SIN3A: variants seen among roughly 807,000 people sequenced by gnomAD.
SIN3A encodes paired amphipathic helix protein Sin3a.
In SIN3A, 14 loss-of-function variants were observed where a neutral mutation model predicts 146.1. The observed-to-expected ratio is 0.10, with a 90% CI of 0.06 to 0.15. The LOEUF (loss-of-function observed/expected upper bound fraction) is 0.15. Ranked by LOEUF, SIN3A falls within the 10% of genes least tolerant of loss-of-function variation. The pLI is 1.00. For missense variants in SIN3A, 1,028 were observed against 1,576.0 expected, an observed-to-expected ratio of 0.65 and a Z score of 5.89; for synonymous variants, 572 against 572.0, an observed-to-expected ratio of 1.00 and a Z score of 0.00.
chr15:75,390,871 C>T (rs775766948), intron 15 of SIN3A, among the ~76,000 whole-genome samples: 15 of 151,986 alleles, frequency 9.9e-5, no homozygotes, highest in African/African-American at 3.1e-4. Flanking sequence ...CCACTGCACC[C>T]GGCCTATACA....
intron 1 of SIN3A, among the ~76,000 whole-genome samples, chr15:75,432,101 GT>G (rs1426940036): frequency 1.3e-5 from 2 of 152,106 alleles, no homozygotes; most frequent in Non-Finnish European, 2.9e-5. Flanking sequence ...GCTTTCCTAT[GT>G]TTTTCTAGCA....
intron 3 of SIN3A, among the ~76,000 whole-genome samples, chr15:75,418,352 G>C (rs964407865): frequency 6.9e-6 from 1 of 144,536 alleles, no homozygotes; most frequent in Middle Eastern, 4.1e-3. Flanking sequence ...TTGAGACATG[G>C]TCTCACTCTG....
At chr15:75,423,273 C>T (rs544358075) in intron 2 of SIN3A, among the ~76,000 whole-genome samples, 16 of 151,564 alleles carry the variant, frequency 1.1e-4, no homozygotes, top group African/African-American at 3.6e-4. Context: ...ATGAGACCGT[C>T]TCTAAAAAAA....
chr15:75,429,664 T>C (rs1480035886), intron 2 of SIN3A, among the ~76,000 whole-genome samples: 1 of 152,184 alleles, frequency 6.6e-6, no homozygotes, highest in Non-Finnish European at 1.5e-5. Flanking sequence ...AATATCACAA[T>C]GTTCACAGCA....
chr15:75,431,036 A>G (rs1343737804), intron 1 of SIN3A, among the ~76,000 whole-genome samples: 2 of 152,142 alleles, frequency 1.3e-5, no homozygotes, highest in East Asian at 3.9e-4. Flanking sequence ...TCAGCCTCCC[A>G]AAGTGCTGGG....
In SIN3A at chr15:75,396,428, G is replaced by A. The variant is rs1354050046; in HGVS notation, c.1923C>T (p.Ser641=). ...TGGCTTGTTCTTCAGCAGACAAGCG[G>A]GAAAGCTTCTTCTGTATTGCTTCCA... is the stretch of plus-strand genomic sequence containing the variant. ...RVLEAIQKKL[S]RLSAEEQAKF... is the part of the protein sequence containing the mutation. The change falls in exon 13 of 21, where the codon TCC becomes TCT. Residue 641 remains serine (S), a synonymous_variant. Transcript: ENST00000394947. The A allele has an allele frequency of 2.5e-6, 4 of 1,614,064 alleles. No individual in the cohort carries two copies. The highest frequency in any genetic ancestry group is 3.4e-6 in the Non-Finnish European group (4 of 1,179,974).
At position 75,411,428 on chromosome 15, in the gene SIN3A, G is replaced by T. The variant is rs1199027426; in HGVS notation, c.1008+64C>A. 23 of 1,483,200 alleles carry T rather than the reference G, an allele frequency of 1.6e-5. No homozygotes were observed. In the Admixed American group the frequency reaches 4.3e-4, roughly 28 times the overall value. 91.9% of individuals were successfully genotyped at this position (1,483,200 alleles called of 1,614,324 possible). A position where few individuals can be genotyped will look rare whatever the true frequency, so the allele number is the denominator to read the frequency against. ...TTAATGGACACAATAATGGTTACTT[G>T]TTATTGGACTAGATGCCCTAAGAGG... On this transcript the variant is annotated intron_variant, in intron 6 of 20. Transcript: ENST00000394947.
At chr15:75,453,340 C>T (rs962251187), upstream of SIN3A, 1 of 152,382 alleles carries the variant, frequency 6.6e-6, no homozygotes, top group African/African-American at 2.4e-5. Flanking sequence ...CAGGACAGAG[C>T]TCTAAAAATA....
At position 75,430,171 on chromosome 15, in the gene SIN3A, G is replaced by C. The variant is rs778099884; in HGVS notation, c.189+16C>G. The C allele has an allele frequency of 6.2e-6, 10 of 1,603,140 alleles. No homozygotes were observed. In the Admixed American group the frequency reaches 1.7e-4, roughly 27 times the overall value. On this transcript the variant is annotated intron_variant, in intron 2 of 20. Coordinates refer to ENST00000394947, the MANE Select transcript of SIN3A (RefSeq NM_001145358.2). ...TCTCTTCCCTCATTCTAGTCCCTTG[G>C]TTGGCTCCAGCTTACCTGGTAGCTG...
Position 75,416,763 on chromosome 15 carries a change from G to A in SIN3A, c.367-2452C>T, listed in dbSNP as rs554196289. Among the ~76,000 whole-genome samples the A allele has an allele frequency of 9.2e-5, 14 of 152,254 alleles. No individual in the cohort carries two copies. The East Asian group carries it at 2.7e-3, about 29-fold the overall frequency. On this transcript the variant is annotated intron_variant, in intron 3 of 20. Transcript: ENST00000394947. ...CTCCCTTTTACCCAGACACCTGTTG[G>A]GACCTAACCCCCAATAACTGGTTAC...
intron 16 of SIN3A, among the ~76,000 whole-genome samples, chr15:75,387,633 C>T (rs1301598040): frequency 1.4e-5 from 2 of 142,610 alleles, no homozygotes; most frequent in Non-Finnish European, 3.0e-5. Flanking sequence ...TAACCAGATA[C>T]AGTAAATAAT....
chr15:75,397,870 C>T (rs1595898089), intron 12 of SIN3A, among the ~76,000 whole-genome samples: 2 of 152,304 alleles, frequency 1.3e-5, no homozygotes, highest in Admixed American at 1.3e-4. Context: ...CCTTACTAAA[C>T]GTAAGTAACA....
chr15:75,383,024 T>A (rs945419492), intron 17 of SIN3A, among the ~76,000 whole-genome samples: 1 of 151,662 alleles, frequency 6.6e-6, no homozygotes, highest in Non-Finnish European at 1.5e-5. Context: ...GAGGCGGAGG[T>A]TGCAGTGAGC....
chr15:75,446,181 G>A (rs530447951), intron 1 of SIN3A: 1 of 151,962 alleles, frequency 6.6e-6, no homozygotes, highest in South Asian at 2.1e-4. Flanking sequence ...AAGAACAAAA[G>A]GCAAGGAAGA....
intron 16 of SIN3A, among the ~76,000 whole-genome samples, chr15:75,384,686 A>G (rs1423233495): frequency 2.0e-5 from 3 of 152,218 alleles, no homozygotes; most frequent in Admixed American, 6.5e-5. Flanking sequence ...ATTTAAAATA[A>G]GAACCATAGA....
chr15:75,455,551 A>G (rs2074476722), upstream of SIN3A: 1 of 152,402 alleles, frequency 6.6e-6, no homozygotes, highest in African/African-American at 2.4e-5. Flanking sequence ...CCCCTCTCCC[A>G]CGGCTCCGGC....
chr15:75,378,889 T>G (rs920255125), intron 19 of SIN3A, among the ~76,000 whole-genome samples: 62 of 100,802 alleles, frequency 6.2e-4, no homozygotes, highest in Non-Finnish European at 1.2e-3. Context: ...ATAATAGGGA[T>G]ATATATATAT....
chr15:75,416,324 T>C (rs1345752592), intron 3 of SIN3A, among the ~76,000 whole-genome samples: 2 of 152,088 alleles, frequency 1.3e-5, no homozygotes, highest in African/African-American at 4.8e-5. Flanking sequence ...TTCCCTGACT[T>C]TATTTACTTA....
At chr15:75,430,529 A>C in intron 1 of SIN3A, 121 bp from the exon 2 acceptor site, 2 of 673,400 alleles carry the variant, frequency 3.0e-6, no homozygotes, top group Non-Finnish European at 2.3e-6. Flanking sequence ...CATCTATTTC[A>C]TCTTAGTGAT....
Sources: gnomAD v4.1 joint callset for allele counts (sites outside exome capture counted in the v4.1 genomes callset) on GRCh38, gnomAD v4.1.1 for gene constraint, MANE v1.5 for transcripts, NCBI Gene and HGNC (gene_info 2026-07-23, HGNC 2026-07-21) for gene names.